MED27: variants seen among roughly 807,000 people sequenced by gnomAD.
MED27 encodes the protein mediator of RNA polymerase II transcription subunit 27.
Under a neutral mutation model 38.2 loss-of-function variants are expected in MED27, and 30 were observed. The observed-to-expected ratio is 0.79, with a 90% confidence interval of 0.59 to 1.07. The LOEUF (loss-of-function observed/expected upper bound fraction) is 1.07, where lower values mean the gene tolerates loss of function less well. MED27 is among the 50% of genes least tolerant of loss of function. The pLI is 0.00. For synonymous variants in MED27, 122 were observed against 153.5 expected (o/e 0.79, Z 1.52); for missense variants, 289 against 397.5 (o/e 0.73, Z 2.32).
intron 2 of MED27, among the ~76,000 whole-genome samples, chr9:132,050,439 C>T (rs571184216): frequency 1.3e-5 from 2 of 152,292 alleles, no homozygotes; most frequent in South Asian, 4.1e-4. Flanking sequence ...GAAGACAGCC[C>T]ACTGCATGTG....
chr9:131,885,492 G>A (rs550591032), intron 5 of MED27, among the ~76,000 whole-genome samples: 1 of 152,060 alleles, frequency 6.6e-6, no homozygotes, highest in Non-Finnish European at 1.5e-5. Flanking sequence ...GGTAACTGAC[G>A]CCCGGCTGGT....
intron 2 of MED27, among the ~76,000 whole-genome samples, chr9:132,072,842 G>A (rs141106130): frequency 8.3e-4 from 127 of 152,194 alleles, no homozygotes; most frequent in African/African-American, 3.0e-3. Flanking sequence ...GCTATATGGA[G>A]AGAAGAATGA....
In MED27 at chr9:132,069,507, C is replaced by T. The variant is rs142562693; in HGVS notation, c.348+7935G>A. 4.1e-4 allele frequency among the ~76,000 whole-genome samples: 62 copies of T among 152,294 alleles called. No individual in the cohort carries two copies. The East Asian group carries it at 0.012, about 29-fold the overall frequency. On this transcript the variant is annotated intron_variant, in intron 2 of 7. Transcript: ENST00000292035. ...TGTGGTGTGTCACAAGAGGCGAATG[C>T]TGTCTGCAGAACCTTTGCAAGGTAA...
intron 4 of MED27, among the ~76,000 whole-genome samples, chr9:131,905,176 C>G (rs1830029655): frequency 6.6e-6 from 1 of 152,084 alleles, no homozygotes; most frequent in African/African-American, 2.4e-5. Context: ...AGAATGAATG[C>G]CAATGCCTGT....
intron 6 of MED27, among the ~76,000 whole-genome samples, chr9:131,866,905 G>C (rs954559845): frequency 2.6e-5 from 4 of 152,160 alleles, no homozygotes; most frequent in African/African-American, 9.7e-5. Flanking sequence ...GGGTCCCTCA[G>C]CTCCTCAAAT....
Position 131,891,018 on chromosome 9 carries a change from G to C in MED27, c.681+2867C>G, listed in dbSNP as rs574887404. Among the ~76,000 whole-genome samples the C allele has an allele frequency of 8.5e-4, 130 of 152,322 alleles. 6 individuals are homozygous for C. The South Asian group carries it at 0.025, about 29-fold the overall frequency. ...TTGTTCTGAATTCTATGGGTGTATG[G>C]ATAATGATGATAACTCTGTGCTGTA... On this transcript the variant is annotated intron_variant, in intron 5 of 7. Coordinates refer to ENST00000292035, the MANE Select transcript of MED27 (RefSeq NM_004269.4).
At chr9:132,004,548 T>A (rs1832314931) in intron 3 of MED27, among the ~76,000 whole-genome samples, 1 of 152,218 alleles carries the variant, frequency 6.6e-6, no homozygotes, top group Admixed American at 6.5e-5. Context: ...AGCAGCGCAC[T>A]GCAAGACCTC....
chr9:131,863,653 G>T (rs1838689128), intron 6 of MED27, among the ~76,000 whole-genome samples: 1 of 146,186 alleles, frequency 6.8e-6, no homozygotes, highest in Admixed American at 6.6e-5. Context: ...GGGGAGCCTG[G>T]CAGTTTCTGA....
rs13298274 is a variant in MED27 at position 131,956,493 on chromosome 9, G to A, written c.480-17019C>T. 3.5e-3 allele frequency among the ~76,000 whole-genome samples: 525 copies of A among 152,070 alleles called. 3 individuals are homozygous for A. The highest frequency in any genetic ancestry group is 6.5e-3 in the Non-Finnish European group (441 of 68,004). On this transcript the variant is annotated intron_variant, in intron 3 of 7. Transcript: ENST00000292035. ...TAGCCAAGCATGATGGCAGGCGCCT[G>A]TAATTCCAGCTACTCAGGAGGCTGA...
chr9:132,023,128 A>G (rs180850246), intron 2 of MED27, among the ~76,000 whole-genome samples: 400 of 152,302 alleles, frequency 2.6e-3, no homozygotes, highest in Non-Finnish European at 4.4e-3. Context: ...TTCTTTCCAA[A>G]CATTCATAGG....
At chr9:132,077,354 T>TA in intron 2 of MED27, 88 bp downstream of exon 2, 2 of 1,317,194 alleles carry the variant, frequency 1.5e-6, no homozygotes, top group Non-Finnish European at 2.1e-6. Context: ...TAAAAAGCAA[T>TA]AAAAACATAC....
rs761390638 is a variant in MED27 at position 131,884,116 on chromosome 9, G to A, written c.682-17C>T. 1.9e-6 allele frequency: 3 copies of A among 1,598,018 alleles called. No individual in the cohort carries two copies. In the East Asian group the frequency reaches 6.7e-5, roughly 36 times the overall value. ...TATATCAAGCTGAGGGGAAAGGAGA[G>A]AAGGATCATCAGCATCGGTCTTAGA... On this transcript the variant is annotated splice_polypyrimidine_tract_variant and intron_variant, in intron 5 of 7. Transcript: ENST00000292035.
intron 2 of MED27, among the ~76,000 whole-genome samples, chr9:132,021,024 C>A (rs915438983): frequency 1.3e-5 from 2 of 152,346 alleles, no homozygotes; most frequent in African/African-American, 4.8e-5. Flanking sequence ...AGCAGGACAG[C>A]AAATCAGGGC....
chr9:131,893,099 T>G (rs774284090), intron 5 of MED27, among the ~76,000 whole-genome samples: 18 of 152,208 alleles, frequency 1.2e-4, no homozygotes, highest in Non-Finnish European at 2.4e-4. Context: ...ATGTGGCTGT[T>G]GGGTGGTGAG....
chr9:132,037,990 C>T (rs576683046), intron 2 of MED27, among the ~76,000 whole-genome samples: 2 of 152,152 alleles, frequency 1.3e-5, no homozygotes, highest in South Asian at 4.2e-4. Flanking sequence ...TGCATTGACG[C>T]AACCAATATG....
intron 3 of MED27, among the ~76,000 whole-genome samples, chr9:131,965,247 T>C (rs1405246897): frequency 6.6e-6 from 1 of 152,250 alleles, no homozygotes; most frequent in African/African-American, 2.4e-5. Context: ...CTGGTCATTT[T>C]CATCTGATCA....
intron 2 of MED27, among the ~76,000 whole-genome samples, chr9:132,056,817 G>GATGCTCTCTC (rs1395730680): frequency 6.6e-6 from 1 of 152,170 alleles, no homozygotes; most frequent in East Asian, 1.9e-4. Context: ...CAGTGGACCA[G>GATGCTCTCTC]AACAAAGAGC....
intron 4 of MED27, among the ~76,000 whole-genome samples, chr9:131,895,194 G>A (rs1436862073): frequency 1.3e-5 from 2 of 152,160 alleles, no homozygotes; most frequent in African/African-American, 4.8e-5. Context: ...TGAAGACGAG[G>A]GGCTCACGTA....
Position 131,885,923 on chromosome 9 carries a change from G to A in MED27, c.682-1824C>T, listed in dbSNP as rs182060166. 1.9e-3 allele frequency among the ~76,000 whole-genome samples: 290 copies of A among 152,326 alleles called. 2 individuals are homozygous for A. The highest frequency in any genetic ancestry group is 6.6e-3 in the African/African-American group (275 of 41,576). ...TGGAACACCTGGTCAATGGGCCTCT[G>A]GGAACCTGCCTTGGGGGTTGGCCAG... On this transcript the variant is annotated intron_variant, in intron 5 of 7. Coordinates refer to ENST00000292035, the MANE Select transcript of MED27 (RefSeq NM_004269.4).
Sources: allele counts gnomAD v4.1 joint callset (sites outside exome capture counted in the v4.1 genomes callset), GRCh38; gene constraint gnomAD v4.1.1; transcripts MANE v1.5; gene names NCBI Gene and HGNC (gene_info 2026-07-23, HGNC 2026-07-21).